Variants in HMGB1 observed in about 807,000 individuals in gnomAD.
HMGB1 encodes high mobility group box 1, also known as high mobility group protein B1.
For missense variants in HMGB1, 79 were observed against 253.5 expected (o/e 0.31, Z 4.67); for synonymous variants, 81 against 84.0 (o/e 0.96, Z 0.19).
At chr13:30,582,531 G>A (rs966313313) in intron 1 of HMGB1, among the ~76,000 whole-genome samples, 10 of 151,988 alleles carry the variant, frequency 6.6e-5, no homozygotes, top group Non-Finnish European at 1.5e-4. Context: ...CCAGCTACTC[G>A]GGAGGCTGAG....
chr13:30,608,569 G>C (rs1046019965), intron 1 of HMGB1, among the ~76,000 whole-genome samples: 2 of 152,188 alleles, frequency 1.3e-5, no homozygotes, highest in Admixed American at 6.5e-5. Flanking sequence ...AAGTTTGGGA[G>C]AAAAAATTCT....
At chr13:30,464,227 C>G (rs1886557813) in intron 1 of HMGB1, 1 of 985,452 alleles carries the variant, frequency 1.0e-6, no homozygotes, top group African/African-American at 1.7e-5. Context: ...GGAGCAGCAG[C>G]CAGCTCCGGT....
exon 1 of HMGB1, chr13:30,617,357 T>C (rs1406926645): frequency 6.6e-6 from 1 of 151,814 alleles, no homozygotes; most frequent in African/African-American, 2.4e-5. Flanking sequence ...ATGCACTCTG[T>C]GGCAGCTTCA....
intron 1 of HMGB1, chr13:30,543,175 A>AGAGT (rs1342621385): frequency 7.2e-6 from 1 of 138,854 alleles, no homozygotes; most frequent in Non-Finnish European, 1.5e-5. Context: ...TGCCCAGGCT[A>AGAGT]GAGTGCAGTG....
intron 1 of HMGB1, among the ~76,000 whole-genome samples, chr13:30,476,931 G>T (rs1442423293): frequency 1.3e-5 from 2 of 151,680 alleles, no homozygotes; most frequent in South Asian, 4.2e-4. Context: ...ATGCTTATCT[G>T]TCTTTTACAG....
At chr13:30,468,437 A>G (rs1290498198), upstream of HMGB1, among the ~76,000 whole-genome samples, 2 of 152,150 alleles carry the variant, frequency 1.3e-5, no homozygotes, top group East Asian at 3.8e-4. Flanking sequence ...TATTTTTAGT[A>G]GAGACGGGGT....
At chr13:30,575,534 T>A (rs575003665) in intron 1 of HMGB1, among the ~76,000 whole-genome samples, 1 of 152,314 alleles carries the variant, frequency 6.6e-6, no homozygotes, top group East Asian at 1.9e-4. Flanking sequence ...ATAAACTGTC[T>A]GTTACTGACA....
chr13:30,485,194 G>C (rs1046877357), intron 1 of HMGB1, among the ~76,000 whole-genome samples: 2 of 152,030 alleles, frequency 1.3e-5, no homozygotes, highest in African/African-American at 4.8e-5. Flanking sequence ...ACCACGCCCA[G>C]TTAATTTTTG....
intron 1 of HMGB1, among the ~76,000 whole-genome samples, chr13:30,515,783 A>C (rs1349965785): frequency 6.6e-6 from 1 of 152,134 alleles, no homozygotes; most frequent in Non-Finnish European, 1.5e-5. Flanking sequence ...GAAACATTTA[A>C]TACACCCAGG....
chr13:30,580,597 A>C (rs1333120551), intron 1 of HMGB1, among the ~76,000 whole-genome samples: 3 of 152,362 alleles, frequency 2.0e-5, no homozygotes, highest in Non-Finnish European at 2.9e-5. Context: ...CATCTCCTAC[A>C]TGCCAGGGAA....
intron 1 of HMGB1, among the ~76,000 whole-genome samples, chr13:30,527,115 G>T (rs1017542349): frequency 6.6e-6 from 1 of 152,216 alleles, no homozygotes; most frequent in Admixed American, 6.5e-5. Flanking sequence ...AGCAGGGGCC[G>T]CAGCGGCTGT....
intron 1 of HMGB1, among the ~76,000 whole-genome samples, chr13:30,569,272 T>C (rs181499334): frequency 1.4e-4 from 21 of 152,326 alleles, no homozygotes; most frequent in Admixed American, 3.3e-4. Context: ...ATTATAAAAG[T>C]GCTCGGACAG....
chr13:30,560,937 A>G (rs1869922975), intron 1 of HMGB1, among the ~76,000 whole-genome samples: 1 of 150,572 alleles, frequency 6.6e-6, no homozygotes, highest in Non-Finnish European at 1.5e-5. Context: ...TACAGGTTAT[A>G]TATGTTTTTT....
chr13:30,615,084 T>A (rs891701346), intron 1 of HMGB1, among the ~76,000 whole-genome samples: 34 of 152,286 alleles, frequency 2.2e-4, no homozygotes, highest in African/African-American at 8.2e-4. Flanking sequence ...ACTAATTTCT[T>A]GTTTGGATCA....
chr13:30,466,303 C>CG (rs1030556907), upstream of HMGB1, among the ~76,000 whole-genome samples: 33 of 151,912 alleles, frequency 2.2e-4, no homozygotes, highest in Non-Finnish European at 4.0e-4. Context: ...GTCTCCCCCC[C>CG]CCTTCTTGCC....
chr13:30,537,273 C>T (rs1344449207), intron 1 of HMGB1, among the ~76,000 whole-genome samples: 3 of 152,102 alleles, frequency 2.0e-5, no homozygotes, highest in African/African-American at 7.2e-5. Flanking sequence ...CTTTTTGCAT[C>T]TCCTCTCTAT....
At chr13:30,508,937 AT>A (rs1887930117) in intron 1 of HMGB1, among the ~76,000 whole-genome samples, 1 of 151,998 alleles carries the variant, frequency 6.6e-6, no homozygotes, top group East Asian at 1.9e-4. Flanking sequence ...TTAATCCAAT[AT>A]TTTTGTTTTG....
At chr13:30,534,440 A>AT (rs11342666) in intron 1 of HMGB1, among the ~76,000 whole-genome samples, 6 of 151,330 alleles carry the variant, frequency 4.0e-5, no homozygotes, top group South Asian at 2.1e-4. Context: ...TAAAATGGTC[A>AT]TTTTTTTTTC....
At chr13:30,507,472 T>C (rs914429777) in intron 1 of HMGB1, among the ~76,000 whole-genome samples, 4 of 152,198 alleles carry the variant, frequency 2.6e-5, no homozygotes. Context: ...AATGACTGAA[T>C]GAGGGAACAA....
Sources: allele counts gnomAD v4.1 joint callset (sites outside exome capture counted in the v4.1 genomes callset), GRCh38; gene constraint gnomAD v4.1.1; transcripts MANE v1.5; gene names NCBI Gene and HGNC (gene_info 2026-07-23, HGNC 2026-07-21).